NUP153: variants seen among roughly 807,000 people sequenced by gnomAD.
The protein encoded by NUP153 is nucleoporin 153, also known as nuclear pore complex protein Nup153.
A neutral mutation model predicts 134.6 loss-of-function variants in NUP153; 27 were observed. That is an observed-to-expected ratio of 0.20 (90% CI 0.15 to 0.28). The LOEUF is 0.28. NUP153 is among the 10% of genes least tolerant of loss of function. The pLI is 1.00. For missense variants in NUP153, 1,821 were observed against 1,731.3 expected (o/e 1.05, Z -0.92); for synonymous variants, 640 against 623.5 (o/e 1.03, Z -0.40).
intron 5 of NUP153, among the ~76,000 whole-genome samples, chr6:17,670,518 C>CTGCA (rs1213321286): frequency 6.6e-6 from 1 of 152,176 alleles, no homozygotes; most frequent in Non-Finnish European, 1.5e-5. Flanking sequence ...CCTTTCCAAT[C>CTGCA]TGCATGCATT....
Position 17,615,853 on chromosome 6 carries a change from T to A in NUP153, c.*244A>T, listed in dbSNP as rs1764283545. The A allele has an allele frequency of 4.5e-6, 2 of 441,402 alleles. No homozygotes were observed. 27.3% of individuals were successfully genotyped at this position (441,402 alleles called of 1,614,324 possible). On this transcript the variant is annotated 3_prime_UTR_variant, in exon 22 of 22. Coordinates refer to ENST00000262077, the MANE Select transcript of NUP153 (RefSeq NM_005124.4). This position sits in a 1 kb window ranked among gnomAD's most constrained non-coding sequence, Gnocchi z 5.7. The stretch of plus-strand genomic sequence containing the variant: ...CAGACTATGTCAAATCAGTGAATAA[T>A]CTGCTGGATCATAAAATATTTTTGC...
rs1561895422 is a variant in NUP153 at position 17,675,156 on chromosome 6, A to AG, written c.723+72_723+73insC. On this transcript the variant is annotated intron_variant, in intron 4 of 21. Transcript: ENST00000262077. The surrounding 1 kb of genome is among the most constrained non-coding windows in gnomAD (Gnocchi z 4.4). ...CAACAGCAAAAGACTCTTGTCTCAG[A>AG]AAAAAAAAAAAAAATTATAAGCAAT... is the stretch of plus-strand genomic sequence containing the variant. 1.5e-5 allele frequency: 6 copies of AG among 403,822 alleles called. No individual in the cohort carries two copies. Among genetic ancestry groups the AG allele is most frequent in the Non-Finnish European group, 2.2e-5 (6 of 277,116 alleles). The allele number at this position is 403,822 out of a possible 1,614,324, so 25.0% of individuals were successfully genotyped here.
At chr6:17,646,306 C>G (rs1766175253) in intron 13 of NUP153, 152 bp from the exon 14 acceptor site, 2 of 450,218 alleles carry the variant, frequency 4.4e-6, no homozygotes, top group Non-Finnish European at 8.1e-6. Flanking sequence ...CTCCCGGGTT[C>G]ACGCCATTCT....
At chr6:17,652,516 C>A (rs2113803664) in intron 11 of NUP153, among the ~76,000 whole-genome samples, 1 of 151,714 alleles carries the variant, frequency 6.6e-6, no homozygotes, top group African/African-American at 2.4e-5. Context: ...TCTTTGTAGC[C>A]CGGGGATAGG....
At chr6:17,620,524 A>T in intron 20 of NUP153, among the ~76,000 whole-genome samples, 1 of 152,212 alleles carries the variant, frequency 6.6e-6, no homozygotes, top group East Asian at 1.9e-4. Flanking sequence ...AAGACATGAG[A>T]CCACAAAACC....
At chr6:17,659,641 T>C (rs561616234) in intron 11 of NUP153, among the ~76,000 whole-genome samples, 1 of 152,194 alleles carries the variant, frequency 6.6e-6, no homozygotes, top group East Asian at 1.9e-4. Context: ...CCCAGCTAAT[T>C]TTTGTATTTT....
intron 8 of NUP153, among the ~76,000 whole-genome samples, chr6:17,668,201 G>A (rs571187188): frequency 4.6e-5 from 7 of 150,922 alleles, no homozygotes; most frequent in South Asian, 2.1e-4. Context: ...TCAGCCTCCG[G>A]AGTAGCTGAG....
intron 20 of NUP153, among the ~76,000 whole-genome samples, chr6:17,621,906 TTGTA>T (rs1554135753): frequency 1.3e-5 from 2 of 152,174 alleles, no homozygotes; most frequent in Non-Finnish European, 2.9e-5. Flanking sequence ...TTATTACACA[TTGTA>T]TGTATGTAAC....
rs1764820261 is a variant in NUP153, at chr6:17,624,543, G to A, written c.4174+18C>T. 2.5e-6 allele frequency: 4 copies of A among 1,611,780 alleles called. No homozygotes were observed. Among genetic ancestry groups the A allele is most frequent in the Middle Eastern group, 1.7e-4 (1 of 6,042 alleles). On this transcript the variant is annotated intron_variant, in intron 20 of 21. Coordinates refer to ENST00000262077, the MANE Select transcript of NUP153 (RefSeq NM_005124.4). ...CACAAAACCCATACAGATACTAACAGCATCACAGCACACTTACTAGAATTA... is the reference window on the plus strand; with the variant it reads ...CACAAAACCCATACAGATACTAACAACATCACAGCACACTTACTAGAATTA...
Position 17,628,587 on chromosome 6 carries a change from G to T in NUP153, c.3544+68C>A. ...TAATTGACTTGCTGCATCTGTCAAGGCAACTTGTAAAACGACAACTTGTAA... is the reference window on the plus strand; with the variant it reads ...TAATTGACTTGCTGCATCTGTCAAGTCAACTTGTAAAACGACAACTTGTAA... On this transcript the variant is annotated intron_variant, in intron 18 of 21. Transcript: ENST00000262077. This position sits in a 1 kb window ranked among gnomAD's most constrained non-coding sequence, Gnocchi z 5.4. 1.1e-6 allele frequency: 1 copy of T among 874,538 alleles called. No homozygotes were observed. The highest frequency in any genetic ancestry group is 1.5e-6 in the Non-Finnish European group (1 of 670,710). 54.2% of individuals were successfully genotyped at this position (874,538 alleles called of 1,614,324 possible). A position where few individuals can be genotyped will look rare whatever the true frequency, so the allele number is the denominator to read the frequency against.
intron 17 of NUP153, among the ~76,000 whole-genome samples, chr6:17,630,398 G>A (rs557716474): frequency 3.9e-5 from 6 of 152,304 alleles, no homozygotes; most frequent in East Asian, 1.9e-4. Flanking sequence ...GGTAGCTCAC[G>A]CTTGGAATCC....
chr6:17,643,910 A>G (rs1765992656), intron 14 of NUP153, among the ~76,000 whole-genome samples: 1 of 152,232 alleles, frequency 6.6e-6, no homozygotes, highest in Admixed American at 6.5e-5. Context: ...CTTTCCTCAT[A>G]ATAAGTCATG....
Position 17,665,324 on chromosome 6 carries a change from G to C in NUP153, c.1130C>G (p.Thr377Arg). The change falls in exon 9 of 22, where the codon ACA becomes AGA. Residue 377 changes from threonine (T) to arginine (R), a missense_variant. By Grantham distance (71) the Thr-to-Arg change is moderately conservative. Coordinates refer to ENST00000262077, the MANE Select transcript of NUP153 (RefSeq NM_005124.4). ...TGGTTTAAAATAAACACTTCGATTT[G>C]TTGCTATGGAAACTGGCTTTGGGGT... ...LMTPKPVSIA[T>R]NRSVYFKPSL... 1 of 1,613,316 alleles carries C rather than the reference G, an allele frequency of 6.2e-7. No homozygotes were observed. The highest frequency in any genetic ancestry group is 2.2e-5 in the East Asian group (1 of 44,796).
chr6:17,663,458 C>A (rs549301833), intron 9 of NUP153, among the ~76,000 whole-genome samples: 1 of 152,218 alleles, frequency 6.6e-6, no homozygotes, highest in South Asian at 2.1e-4. Flanking sequence ...GAGATAAGGT[C>A]TTGCTATGGT....
chr6:17,678,352 CAA>C (rs11428582), intron 2 of NUP153, among the ~76,000 whole-genome samples: 3,848 of 68,052 alleles, frequency 0.057, 36 homozygotes, highest in African/African-American at 0.083. Flanking sequence ...CCCTCTGTCT[CAA>C]AAAAAAAAAA....
At chr6:17,667,870 AAATAGGATATATT>A (rs1767637618) in intron 8 of NUP153, among the ~76,000 whole-genome samples, 2 of 152,216 alleles carry the variant, frequency 1.3e-5, no homozygotes, top group African/African-American at 2.4e-5. Flanking sequence ...AATTTTAAGC[AAATAGGATATATT>A]AAAAGGGCAG....
At chr6:17,677,098 A>G (rs1768266062) in intron 2 of NUP153, among the ~76,000 whole-genome samples, 1 of 152,236 alleles carries the variant, frequency 6.6e-6, no homozygotes, top group South Asian at 2.1e-4. Flanking sequence ...GAATAAGTAT[A>G]TAACTAAAAT....
intron 5 of NUP153, among the ~76,000 whole-genome samples, chr6:17,673,627 C>G (rs1468201305): frequency 6.6e-6 from 1 of 152,082 alleles, no homozygotes; most frequent in Non-Finnish European, 1.5e-5. Context: ...TTAGTCATTA[C>G]GGAAGTACAA....
At chr6:17,643,626 A>C (rs899856838) in intron 14 of NUP153, among the ~76,000 whole-genome samples, 6 of 152,234 alleles carry the variant, frequency 3.9e-5, no homozygotes, top group African/African-American at 1.4e-4. Flanking sequence ...TATGCTCAAA[A>C]AGAGGGGAAA....
Sources: gnomAD v4.1 joint callset for allele counts (sites outside exome capture counted in the v4.1 genomes callset) on GRCh38, gnomAD v4.1.1 for gene constraint, Gnocchi (gnomAD v3.1) non-coding constraint, MANE v1.5 for transcripts, NCBI Gene and HGNC (gene_info 2026-07-23, HGNC 2026-07-21) for gene names.